PRELID2: variants seen among roughly 807,000 people sequenced by gnomAD.
PRELID2 encodes the protein PRELI domain-containing protein 2.
A neutral mutation model predicts 28.4 loss-of-function variants in PRELID2; 25 were observed. The observed-to-expected ratio is 0.88, with a 90% CI of 0.64 to 1.23. The LOEUF (loss-of-function observed/expected upper bound fraction) is 1.23. Among genes scored for constraint, PRELID2 ranks in the 50% most tolerant of loss-of-function variants. PRELID2 has a pLI of 0.00. For synonymous variants in PRELID2, 76 were observed against 71.6 expected (o/e 1.06, Z -0.31); for missense variants, 201 against 214.4 (o/e 0.94, Z 0.39).
chr5:145,670,723 T>C (rs1754689112), intron 1 of PRELID2, among the ~76,000 whole-genome samples: 1 of 152,156 alleles, frequency 6.6e-6, no homozygotes. Flanking sequence ...AATCTCTCTC[T>C]GTCTTTTTTG....
the PRELID2 span, among the ~76,000 whole-genome samples, chr5:145,291,710 G>A: frequency 2.6e-5 from 4 of 151,948 alleles, no homozygotes; most frequent in African/African-American, 4.8e-5. Context: ...CAAACCCAAG[G>A]TTACTTAGAT....
chr5:145,445,318 C>G, the PRELID2 span, among the ~76,000 whole-genome samples: 1,609 of 152,106 alleles, frequency 0.011, 19 homozygotes, highest in African/African-American at 0.037. Flanking sequence ...AGAAAACTGG[C>G]TATTCATATG....
intron 1 of PRELID2, among the ~76,000 whole-genome samples, chr5:145,727,312 T>C (rs573756432): frequency 1.3e-5 from 2 of 152,262 alleles, no homozygotes; most frequent in Admixed American, 6.5e-5. Context: ...AGGGGTTTTA[T>C]GCCCTGGGCT....
intron 1 of PRELID2, among the ~76,000 whole-genome samples, chr5:145,669,290 C>T (rs763362039): frequency 6.6e-6 from 1 of 152,044 alleles, no homozygotes; most frequent in Non-Finnish European, 1.5e-5. Flanking sequence ...CAGTAATGGT[C>T]ATTGCAACCA....
the PRELID2 span, among the ~76,000 whole-genome samples, chr5:145,431,832 T>A: frequency 6.6e-6 from 1 of 152,188 alleles, no homozygotes; most frequent in Non-Finnish European, 1.5e-5. Flanking sequence ...GATAATGATG[T>A]CATATCTATC....
At chr5:145,769,222 C>T (rs1398397229) in intron 5 of PRELID2, among the ~76,000 whole-genome samples, 1 of 152,132 alleles carries the variant, frequency 6.6e-6, no homozygotes, top group East Asian at 1.9e-4. Context: ...TATTTCTTTC[C>T]CCTCTGAGAT....
chr5:145,532,757 C>T (rs187185636), intron 1 of PRELID2, among the ~76,000 whole-genome samples: 6 of 152,120 alleles, frequency 3.9e-5, no homozygotes, highest in Non-Finnish European at 8.8e-5. Context: ...AGCATAATTT[C>T]CTCTGGGTTA....
intron 1 of PRELID2, among the ~76,000 whole-genome samples, chr5:145,494,194 T>C (rs1341281150): frequency 6.6e-6 from 1 of 152,186 alleles, no homozygotes; most frequent in African/African-American, 2.4e-5. Flanking sequence ...GAACAAAGAT[T>C]GAAAATCAGA....
rs139789966 is a variant in PRELID2, at chr5:145,626,350, C to T, written n.70+138581G>A. Among the ~76,000 whole-genome samples, 196 of 152,098 alleles carry T rather than the reference C, an allele frequency of 1.3e-3. 2 individuals carry two copies. Among genetic ancestry groups the T allele is most frequent in the African/African-American group, 4.6e-3 (192 of 41,474 alleles). ...ACTCAATAAGAAAAACATAATAATC[C>T]TATTTAAAAGTGGGCAAAGAAGAGC... On this transcript the variant is annotated intron_variant and non_coding_transcript_variant, in intron 1 of 2. Coordinates refer to the PRELID2 transcript ENST00000510259.
intron 1 of PRELID2, among the ~76,000 whole-genome samples, chr5:145,741,949 T>A (rs1441042881): frequency 1.5e-4 from 1 of 6,504 alleles, no homozygotes; most frequent in African/African-American, 2.3e-4. Flanking sequence ...ATAAATAAAT[T>A]TATTATAATT....
chr5:145,549,396 C>A (rs140724170), intron 1 of PRELID2, among the ~76,000 whole-genome samples: 1 of 152,186 alleles, frequency 6.6e-6, no homozygotes, highest in African/African-American at 2.4e-5. Flanking sequence ...GAATTAGATA[C>A]CAAACTAGTA....
the PRELID2 span, among the ~76,000 whole-genome samples, chr5:145,461,094 T>C: frequency 3.3e-5 from 5 of 152,236 alleles, no homozygotes; most frequent in African/African-American, 1.2e-4. Context: ...GTAGTACAAA[T>C]CAGAGCACAA....
At chr5:145,612,506 G>C (rs1416535621) in intron 1 of PRELID2, among the ~76,000 whole-genome samples, 1 of 151,874 alleles carries the variant, frequency 6.6e-6, no homozygotes, top group Non-Finnish European at 1.5e-5. Context: ...GTGGTGTTTG[G>C]TTACATGAGC....
the PRELID2 span, among the ~76,000 whole-genome samples, chr5:145,371,659 T>C: frequency 0.66 from 99,913 of 151,748 alleles, 33,105 homozygotes; most frequent in East Asian, 0.89. Flanking sequence ...TTCTTTTCAA[T>C]TCTTTGGAAT....
At chr5:145,256,052 C>T in the PRELID2 span, among the ~76,000 whole-genome samples, 11,775 of 151,686 alleles carry the variant, frequency 0.078, 1,078 homozygotes, top group African/African-American at 0.21. Context: ...ACAACTTACC[C>T]GACAATCATG....
At chr5:145,281,746 C>T in the PRELID2 span, among the ~76,000 whole-genome samples, 1 of 152,098 alleles carries the variant, frequency 6.6e-6, no homozygotes, top group African/African-American at 2.4e-5. Flanking sequence ...GCTTTTTATT[C>T]CAAATGAGAA....
chr5:145,826,032 T>C, intron 1 of PRELID2: 1 of 985,402 alleles, frequency 1.0e-6, no homozygotes, highest in Non-Finnish European at 1.2e-6. Flanking sequence ...CAGGTTTTTC[T>C]GGACACCTTT....
intron 1 of PRELID2, among the ~76,000 whole-genome samples, chr5:145,595,173 C>CACACAT (rs1554078073): frequency 9.0e-4 from 136 of 150,670 alleles, no homozygotes; most frequent in African/African-American, 3.2e-3. Flanking sequence ...CACACACACA[C>CACACAT]ACACACACAC....
At chr5:145,700,389 C>A (rs1247142397) in intron 1 of PRELID2, among the ~76,000 whole-genome samples, 1 of 152,066 alleles carries the variant, frequency 6.6e-6, no homozygotes, top group East Asian at 1.9e-4. Flanking sequence ...CCCTTTCCCC[C>A]CCACCACTCT....
Sources: gnomAD v4.1 joint callset for allele counts (sites outside exome capture counted in the v4.1 genomes callset) on GRCh38, gnomAD v4.1.1 for gene constraint, MANE v1.5 for transcripts, NCBI Gene and HGNC (gene_info 2026-07-23, HGNC 2026-07-21) for gene names.